The following KIF26B variants were observed in gnomAD, a reference collection of about 807,000 sequenced individuals.
KIF26B encodes kinesin-like protein KIF26B.
A neutral mutation model predicts 151.2 loss-of-function variants in KIF26B; 63 were observed. The observed-to-expected ratio is 0.42, with a 90% CI of 0.34 to 0.51. KIF26B has a LOEUF of 0.51. KIF26B is among the 20% of genes least tolerant of loss of function. The pLI is 0.07. For missense variants in KIF26B, 2,813 were observed against 2,913.6 expected, an observed-to-expected ratio of 0.97 and a Z score of 0.79; for synonymous variants, 1,357 against 1,262.1, an observed-to-expected ratio of 1.08 and a Z score of -1.59.
At chr1:245,426,914 T>C (rs947468530) in intron 4 of KIF26B, among the ~76,000 whole-genome samples, 42 of 152,354 alleles carry the variant, frequency 2.8e-4, no homozygotes, top group Middle Eastern at 3.4e-3. Context: ...ATGCTTTTCA[T>C]ATATGATCTT....
At chr1:245,257,172 C>T (rs2103568104) in intron 2 of KIF26B, among the ~76,000 whole-genome samples, 1 of 152,150 alleles carries the variant, frequency 6.6e-6, no homozygotes, top group East Asian at 1.9e-4. Flanking sequence ...GTGTTTGAAT[C>T]CACCTGTGAC....
At chr1:245,250,685 T>A (rs1670427129) in intron 2 of KIF26B, among the ~76,000 whole-genome samples, 1 of 152,250 alleles carries the variant, frequency 6.6e-6, no homozygotes. Context: ...AGATGGAACA[T>A]CTTTTCATAG....
chr1:245,308,757 AC>A (rs1458906896), intron 2 of KIF26B, among the ~76,000 whole-genome samples: 1 of 152,160 alleles, frequency 6.6e-6, no homozygotes, highest in African/African-American at 2.4e-5. Context: ...CAAAACAAAA[AC>A]ATGAATGGAA....
rs78306837 is a variant in KIF26B at position 245,367,979 on chromosome 1, G to C, written c.999+612G>C. Among the ~76,000 whole-genome samples, 1 of 152,220 alleles carries C rather than the reference G, an allele frequency of 6.6e-6. No homozygotes were observed. The highest frequency in any genetic ancestry group is 2.4e-5 in the African/African-American group (1 of 41,460). On this transcript the variant is annotated intron_variant, in intron 3 of 14. Coordinates refer to ENST00000407071, the MANE Select transcript of KIF26B (RefSeq NM_018012.4). The surrounding 1 kb of genome is among the most constrained non-coding windows in gnomAD (Gnocchi z 4.2). ...AGATGCTTTTGAACCAAAGGATATT[G>C]TGAGTCCCAGGAATCACGGTTTTAA... is the stretch of plus-strand genomic sequence containing the variant.
chr1:245,245,872 G>A (rs1558359977), intron 2 of KIF26B, among the ~76,000 whole-genome samples: 1 of 142,460 alleles, frequency 7.0e-6, no homozygotes, highest in Non-Finnish European at 1.5e-5. Context: ...ATTGCAGTGA[G>A]CCGAGATCAC....
chr1:245,674,566 A>C (rs1437415476), intron 10 of KIF26B, among the ~76,000 whole-genome samples: 2 of 152,250 alleles, frequency 1.3e-5, no homozygotes, highest in African/African-American at 2.4e-5. Flanking sequence ...AAATCTATGG[A>C]TCTATTATTT....
chr1:245,155,347 G>T lies in KIF26B; in HGVS notation c.-78G>T. Reference sequence around the variant, plus strand: ...CTGAGAGCCAGCCCCCTGCAGCCGGGGGACGCTTCTGGGTTGGAGGACCTT... The same window carrying T: ...CTGAGAGCCAGCCCCCTGCAGCCGGTGGACGCTTCTGGGTTGGAGGACCTT... On this transcript the variant is annotated 5_prime_UTR_variant, in exon 1 of 15. Coordinates refer to ENST00000407071, the MANE Select transcript of KIF26B (RefSeq NM_018012.4). The T allele has an allele frequency of 8.2e-7, 1 of 1,219,502 alleles. No individual in the cohort carries two copies. The highest frequency in any genetic ancestry group is 1.2e-6 in the Non-Finnish European group (1 of 845,574). The allele number at this position is 1,219,502 out of a possible 1,614,324, so 75.5% of individuals were successfully genotyped here. A position where few individuals can be genotyped will look rare whatever the true frequency, so the allele number is the denominator to read the frequency against.
At position 245,516,845 on chromosome 1, in the gene KIF26B, T is replaced by C. The variant is rs149103087; in HGVS notation, c.1167-23922T>C. ...CACAAAAGTTCCGGTTACCAGACTG[T>C]CCCTGGATACTGGGGACTAAAAGCT... is the stretch of plus-strand genomic sequence containing the variant. On this transcript the variant is annotated intron_variant, in intron 4 of 14. Transcript: ENST00000407071. The surrounding 1 kb of genome is among the most constrained non-coding windows in gnomAD (Gnocchi z 4.2). Among the ~76,000 whole-genome samples the C allele has an allele frequency of 1.4e-5, 2 of 146,852 alleles. No individual in the cohort carries two copies. The highest frequency in any genetic ancestry group is 4.9e-5 in the African/African-American group (2 of 40,562).
At chr1:245,303,212 T>TG in intron 2 of KIF26B, among the ~76,000 whole-genome samples, 1 of 146,312 alleles carries the variant, frequency 6.8e-6, no homozygotes, top group Non-Finnish European at 1.5e-5. Context: ...TTTTTTTTTT[T>TG]TTTTGCGACG....
intron 9 of KIF26B, among the ~76,000 whole-genome samples, chr1:245,625,844 C>G (rs1056742153): frequency 3.3e-5 from 5 of 151,724 alleles, no homozygotes; most frequent in Non-Finnish European, 7.4e-5. Flanking sequence ...TACCATTCTC[C>G]TCTCTACCTG....
chr1:245,615,389 T>G (rs373144161), intron 9 of KIF26B, among the ~76,000 whole-genome samples: 184 of 152,300 alleles, frequency 1.2e-3, no homozygotes, highest in African/African-American at 4.3e-3. Flanking sequence ...GCAGTTCTGC[T>G]TTCGATTTGG....
At chr1:245,334,044 G>A (rs1391871582) in intron 2 of KIF26B, among the ~76,000 whole-genome samples, 1 of 152,076 alleles carries the variant, frequency 6.6e-6, no homozygotes. Flanking sequence ...GGTGAGGTGG[G>A]CTGGGGTGGG....
At chr1:245,513,711 T>C (rs1660886933) in intron 4 of KIF26B, among the ~76,000 whole-genome samples, 2 of 152,180 alleles carry the variant, frequency 1.3e-5, no homozygotes, top group South Asian at 4.2e-4. Flanking sequence ...GCCCAAGAAA[T>C]GTTGTAAAAA....
chr1:245,461,966 G>A (rs1341109287), intron 4 of KIF26B, among the ~76,000 whole-genome samples: 4 of 151,802 alleles, frequency 2.6e-5, no homozygotes, highest in Admixed American at 2.6e-4. Flanking sequence ...AAAGAAGAAG[G>A]AGAAGGAGAA....
intron 3 of KIF26B, among the ~76,000 whole-genome samples, chr1:245,415,103 T>G (rs1221725702): frequency 1.3e-5 from 2 of 152,190 alleles, no homozygotes; most frequent in Admixed American, 6.5e-5. Flanking sequence ...CCAATGTGCC[T>G]TCTATGAGGA....
In KIF26B at chr1:245,687,840, C is replaced by T. The variant is rs1309410599; in HGVS notation, c.4857C>T (p.Ser1619=). 5 of 1,594,062 alleles carry T rather than the reference C, an allele frequency of 3.1e-6. No homozygotes were observed. In the South Asian group the frequency reaches 3.4e-5, roughly 11 times the overall value. Residue 1619 remains serine, a synonymous_variant, in exon 12 of 15, where the codon AGC becomes AGT. Transcript: ENST00000407071. This position sits in a 1 kb window ranked among gnomAD's most constrained non-coding sequence, Gnocchi z 4.9. The part of the protein sequence containing the change: ...KNRASPQHSA[S]GSGTSSPLNQ... Reference sequence around the variant, plus strand: ...GGGCCAGCCCTCAGCACAGTGCCAGCGGCAGCGGCACCAGCAGCCCCCTGA... The same window carrying T: ...GGGCCAGCCCTCAGCACAGTGCCAGTGGCAGCGGCACCAGCAGCCCCCTGA...
At chr1:245,509,540 A>G (rs1396690749) in intron 4 of KIF26B, among the ~76,000 whole-genome samples, 2 of 152,078 alleles carry the variant, frequency 1.3e-5, no homozygotes, top group African/African-American at 4.8e-5. Context: ...TTGCATTAGG[A>G]TCTCTTCTCA....
intron 3 of KIF26B, among the ~76,000 whole-genome samples, chr1:245,416,074 C>G (rs1012388193): frequency 1.3e-5 from 2 of 148,898 alleles, no homozygotes; most frequent in African/African-American, 5.0e-5. Context: ...CGAGATCAGC[C>G]TGGCTACCAT....
intron 2 of KIF26B, among the ~76,000 whole-genome samples, chr1:245,202,269 A>ACC (rs1472147675): frequency 1.5e-5 from 2 of 137,312 alleles, no homozygotes; most frequent in Non-Finnish European, 3.2e-5. Context: ...CTCCTTGTGT[A>ACC]CCCTCTACCT....
Sources: gnomAD v4.1 joint callset for allele counts (sites outside exome capture counted in the v4.1 genomes callset) on GRCh38, gnomAD v4.1.1 for gene constraint, Gnocchi (gnomAD v3.1) non-coding constraint, MANE v1.5 for transcripts, NCBI Gene and HGNC (gene_info 2026-07-23, HGNC 2026-07-21) for gene names.